Variants in LRP5 observed in about 807,000 individuals in gnomAD.
The protein encoded by LRP5 is low-density lipoprotein receptor-related protein 5.
In LRP5, 62 loss-of-function variants were observed where a neutral mutation model predicts 154.1. That is an observed-to-expected ratio of 0.40 (90% CI 0.33 to 0.50). The LOEUF is 0.50. LRP5 is among the 20% of genes least tolerant of loss of function. The pLI is 0.55. For synonymous variants in LRP5, 966 were observed against 1,011.5 expected, an observed-to-expected ratio of 0.96 and a Z score of 0.85; for missense variants, 1,915 against 2,336.7, an observed-to-expected ratio of 0.82 and a Z score of 3.72.
chr11:68,409,089 TATATATAC>T (rs2098657631), intron 9 of LRP5, among the ~76,000 whole-genome samples: 1 of 39,772 alleles, frequency 2.5e-5, no homozygotes, highest in African/African-American at 7.0e-5. Flanking sequence ...TATATATATA[TATATATAC>T]ACACACATAC....
At chr11:68,443,439 G>A (rs1426094803) in intron 21 of LRP5, among the ~76,000 whole-genome samples, 13 of 121,814 alleles carry the variant, frequency 1.1e-4, no homozygotes, top group African/African-American at 2.2e-4. Flanking sequence ...GCAGTGAGCC[G>A]AGATCGCGCC....
chr11:68,430,068 T>A (rs1232718415), intron 17 of LRP5, among the ~76,000 whole-genome samples: 14 of 152,252 alleles, frequency 9.2e-5, no homozygotes, highest in Admixed American at 9.2e-4. Flanking sequence ...CTAATTTAAT[T>A]CTACTGTAGT....
At chr11:68,437,779 C>T (rs1009038012) in intron 19 of LRP5, among the ~76,000 whole-genome samples, 1 of 152,250 alleles carries the variant, frequency 6.6e-6, no homozygotes, top group Admixed American at 6.5e-5. Context: ...CACCAAGGGT[C>T]GCCTCCTCTG....
In LRP5 at chr11:68,438,549, TGTGTGCCAGCGCGTG is replaced by T. The variant is rs749080949; in HGVS notation, c.4228_4242del (p.Val1410_Arg1414del). The T allele has an allele frequency of 2.5e-6, 4 of 1,614,094 alleles. No individual in the cohort carries two copies. Among genetic ancestry groups the T allele is most frequent in the Non-Finnish European group, 2.5e-6 (3 of 1,180,050 alleles). ...TCTTCGTCATGGGTGGTGTCTATTT[TGTGTGCCAGCGCGTG>T]GTGTGCCAGCGCTATGCGGGGGCCA... is the stretch of plus-strand genomic sequence containing the variant. On this transcript the variant is annotated inframe_deletion, in exon 20 of 23. Transcript: ENST00000294304.
chr11:68,339,263 C>A (rs113062615), intron 1 of LRP5, among the ~76,000 whole-genome samples: 1 of 152,110 alleles, frequency 6.6e-6, no homozygotes, highest in African/African-American at 2.4e-5. Context: ...GCAACCTCCA[C>A]CTCCCGGGTT....
At chr11:68,311,574 G>A (rs1397707677), upstream of LRP5, among the ~76,000 whole-genome samples, 3 of 152,126 alleles carry the variant, frequency 2.0e-5, no homozygotes, top group African/African-American at 7.2e-5. Context: ...TCTTGTTTTT[G>A]TTGGTCTTCC....
intron 13 of LRP5, among the ~76,000 whole-genome samples, chr11:68,419,504 G>C (rs549668447): frequency 2.7e-5 from 4 of 148,776 alleles, no homozygotes; most frequent in African/African-American, 7.4e-5. Flanking sequence ...AAAGTGCTGG[G>C]ATTACAGGCA....
At chr11:68,431,645 C>T (rs1196593069) in intron 17 of LRP5, among the ~76,000 whole-genome samples, 3 of 152,154 alleles carry the variant, frequency 2.0e-5, no homozygotes, top group Non-Finnish European at 2.9e-5. Context: ...CGAGTTTGGC[C>T]GTAAGCAGAG....
At chr11:68,395,069 G>T (rs1591272906) in intron 7 of LRP5, among the ~76,000 whole-genome samples, 2 of 152,294 alleles carry the variant, frequency 1.3e-5, no homozygotes, top group Middle Eastern at 6.8e-3. Context: ...GGAAAGCTGA[G>T]GTGGGTGGAT....
At chr11:68,342,941 G>C (rs1436990875) in intron 1 of LRP5, among the ~76,000 whole-genome samples, 1 of 152,230 alleles carries the variant, frequency 6.6e-6, no homozygotes, top group Non-Finnish European at 1.5e-5. Flanking sequence ...GCTGGCCAGG[G>C]CCCCCCGCTG....
Position 68,386,620 on chromosome 11 carries a change from C to A in LRP5, c.1320C>A (p.Ile440=), listed in dbSNP as rs745638620. ...GGACCGACACGGGCACGGACCGCAT[C>A]GAGGTGACGCGCCTCAACGGCACCT... The part of the protein sequence containing the change: ...LYWTDTGTDR[I]EVTRLNGTSR... Residue 440 remains isoleucine (I), a synonymous_variant, in exon 6 of 23, where the codon ATC becomes ATA. Coordinates refer to ENST00000294304, the MANE Select transcript of LRP5 (RefSeq NM_002335.4). The surrounding 1 kb of genome is among the most constrained non-coding windows in gnomAD (Gnocchi z 7.9). 6 of 1,613,662 alleles carry A rather than the reference C, an allele frequency of 3.7e-6. No homozygotes were observed. Among genetic ancestry groups the A allele is most frequent in the Non-Finnish European group, 5.1e-6 (6 of 1,179,938 alleles).
intron 1 of LRP5, among the ~76,000 whole-genome samples, chr11:68,332,639 G>A (rs1260981650): frequency 1.3e-5 from 2 of 152,218 alleles, no homozygotes; most frequent in Non-Finnish European, 2.9e-5. Context: ...GGTGGGAATG[G>A]CTGGAGGCAT....
At chr11:68,405,922 C>T (rs148021657) in intron 8 of LRP5, among the ~76,000 whole-genome samples, 3 of 152,372 alleles carry the variant, frequency 2.0e-5, no homozygotes, top group African/African-American at 7.2e-5. Context: ...CTGGTCCCTG[C>T]CCTGAGGCGT....
chr11:68,421,245 C>T (rs114146341), intron 13 of LRP5, among the ~76,000 whole-genome samples: 1,565 of 151,828 alleles, frequency 0.01, 23 homozygotes, highest in African/African-American at 0.034. Context: ...CTCTGTCTCA[C>T]GCAAGACTCC....
intron 1 of LRP5, among the ~76,000 whole-genome samples, chr11:68,314,125 G>C (rs1406463368): frequency 1.3e-5 from 2 of 152,194 alleles, no homozygotes; most frequent in Admixed American, 1.3e-4. Context: ...ACAGGCCAGC[G>C]CCGCTCCTTT....
At chr11:68,336,463 T>TTTTTA (rs1190385661) in intron 1 of LRP5, among the ~76,000 whole-genome samples, 17 of 152,146 alleles carry the variant, frequency 1.1e-4, no homozygotes, top group African/African-American at 3.6e-4. Flanking sequence ...CATTTACCTA[T>TTTTTA]TTTTATTTTA....
In LRP5 at chr11:68,365,722, C is replaced by T. The variant is rs368045658; in HGVS notation, c.1015+20C>T. The T allele has an allele frequency of 0.01, 110 of 10,916 alleles. No homozygotes were observed. The highest frequency in any genetic ancestry group is 0.023 in the Non-Finnish European group (101 of 4,460). The allele number at this position is 10,916 out of a possible 1,614,324, so 0.7% of individuals were successfully genotyped here. ...AGGCAGGTGAGGCGGTGGGACGGGACGGGGCGGGCGGGCGGGGCGGGGCCT... is the reference window on the plus strand; with the variant it reads ...AGGCAGGTGAGGCGGTGGGACGGGATGGGGCGGGCGGGCGGGGCGGGGCCT... On this transcript the variant is annotated intron_variant, in intron 5 of 22. Coordinates refer to ENST00000294304, the MANE Select transcript of LRP5 (RefSeq NM_002335.4).
At chr11:68,310,219 G>A (rs2098586923), upstream of LRP5, among the ~76,000 whole-genome samples, 1 of 152,148 alleles carries the variant, frequency 6.6e-6, no homozygotes, top group South Asian at 2.1e-4. Context: ...GGGGTCCTCA[G>A]GCCTGACTGA....
rs552909087 is a variant in LRP5 at position 68,401,724 on chromosome 11, T to C, written c.1585-1759T>C. Reference sequence around the variant, plus strand: ...TTTTTTTTGAGACAAGATCTCACCCTGTCACCCAGGCTGGAGTGCAATGGC... The same window carrying C: ...TTTTTTTTGAGACAAGATCTCACCCCGTCACCCAGGCTGGAGTGCAATGGC... On this transcript the variant is annotated intron_variant, in intron 7 of 22. Transcript: ENST00000294304. Among the ~76,000 whole-genome samples the C allele has an allele frequency of 5.3e-5, 8 of 152,238 alleles. No individual in the cohort carries two copies. The East Asian group carries it at 1.5e-3, about 29-fold the overall frequency.
Sources: gnomAD v4.1 joint callset for allele counts (sites outside exome capture counted in the v4.1 genomes callset) on GRCh38, gnomAD v4.1.1 for gene constraint, Gnocchi (gnomAD v3.1) non-coding constraint, MANE v1.5 for transcripts, NCBI Gene and HGNC (gene_info 2026-07-23, HGNC 2026-07-21) for gene names.